The following DIAPH2 variants were observed in gnomAD, a reference collection of about 807,000 sequenced individuals.
DIAPH2 encodes the protein protein diaphanous homolog 2.
A neutral mutation model predicts 92.7 loss-of-function variants in DIAPH2; 35 were observed. The ratio of observed to expected loss-of-function variants is 0.38; its 90% CI spans 0.29 to 0.50. The LOEUF is 0.50. Among genes scored for constraint, DIAPH2 ranks in the 20% least tolerant of loss-of-function variants. The pLI, the probability that DIAPH2 is intolerant of heterozygous loss-of-function variation, is 0.94. For synonymous variants in DIAPH2, 301 were observed against 280.4 expected (o/e 1.07, Z -0.73); for missense variants, 701 against 819.5 (o/e 0.86, Z 1.77).
intron 26 of DIAPH2, among the ~76,000 whole-genome samples, chrX:97,575,701 G>T (rs906968224): frequency 8.9e-6 from 1 of 111,899 alleles, no homozygotes; most frequent in Non-Finnish European, 1.9e-5. Flanking sequence ...ATATTGAGAA[G>T]GTGATTGAAG....
intron 26 of DIAPH2, among the ~76,000 whole-genome samples, chrX:97,522,685 C>T (rs1426835618): frequency 8.9e-6 from 1 of 112,382 alleles, no homozygotes; most frequent in Non-Finnish European, 1.9e-5. Context: ...AAATGGAACC[C>T]TCATTTTTTT....
At chrX:97,229,534 ACT>A (rs892338838) in intron 22 of DIAPH2, among the ~76,000 whole-genome samples, 12 of 110,989 alleles carry the variant, frequency 1.1e-4, no homozygotes, top group East Asian at 5.7e-4. Context: ...GTAAAAGCTA[ACT>A]CTGTGGTTTT....
At chrX:97,141,579 G>A (rs762199450) in intron 21 of DIAPH2, 86 bp from the exon 22 acceptor site, 3 of 963,810 alleles carry the variant, frequency 3.1e-6, no homozygotes, top group South Asian at 5.3e-5. Context: ...CATTTTAAAT[G>A]GGTTATAATA....
intron 23 of DIAPH2, among the ~76,000 whole-genome samples, chrX:97,340,558 T>A (rs1345190551): frequency 2.7e-5 from 3 of 111,536 alleles, no homozygotes; most frequent in African/African-American, 9.8e-5. Context: ...AAAGATACCT[T>A]GTATCTCTAC....
At chrX:97,417,781 C>T (rs1180527929) in intron 25 of DIAPH2, among the ~76,000 whole-genome samples, 2 of 110,860 alleles carry the variant, frequency 1.8e-5, no homozygotes, top group Non-Finnish European at 3.8e-5. Context: ...ACTCCAAGAC[C>T]CTGCCCCTCT....
chrX:97,145,429 A>G (rs1472432023), intron 22 of DIAPH2, among the ~76,000 whole-genome samples: 1 of 109,811 alleles, frequency 9.1e-6, no homozygotes, highest in African/African-American at 3.3e-5. Flanking sequence ...CTCCAGTCTC[A>G]GTAAGTATGT....
At chrX:97,459,577 A>C (rs1413832591) in intron 26 of DIAPH2, among the ~76,000 whole-genome samples, 1 of 112,387 alleles carries the variant, frequency 8.9e-6, no homozygotes, top group Non-Finnish European at 1.9e-5. Flanking sequence ...TACTAATCTC[A>C]TCATGATAAC....
At chrX:97,065,600 T>C (rs939134035) in intron 17 of DIAPH2, among the ~76,000 whole-genome samples, 7 of 111,563 alleles carry the variant, frequency 6.3e-5, no homozygotes, top group African/African-American at 2.3e-4. Flanking sequence ...TACTTGGTAA[T>C]AATAAACAAC....
chrX:96,970,787 G>T, intron 17 of DIAPH2, among the ~76,000 whole-genome samples: 1 of 111,001 alleles, frequency 9.0e-6, no homozygotes, highest in South Asian at 3.8e-4. Context: ...CTTTTGCATT[G>T]ATTTGCTCTT....
At chrX:96,823,417 T>C (rs1399049306) in intron 4 of DIAPH2, among the ~76,000 whole-genome samples, 9 of 111,254 alleles carry the variant, frequency 8.1e-5, no homozygotes, top group Non-Finnish European at 1.7e-4. Flanking sequence ...TATGATATAG[T>C]AAATGATAAA....
intron 14 of DIAPH2, 107 bp downstream of exon 14, chrX:96,945,698 G>A (rs780584759): frequency 5.2e-5 from 27 of 521,231 alleles, no homozygotes; most frequent in Middle Eastern, 1.2e-3. Context: ...CATTTATGTA[G>A]TACTTTATAC....
intron 23 of DIAPH2, among the ~76,000 whole-genome samples, chrX:97,256,158 T>C (rs996977602): frequency 3.6e-5 from 4 of 112,491 alleles, no homozygotes; most frequent in Admixed American, 9.4e-5. Flanking sequence ...TTCTGTGGGA[T>C]TTATTCATAT....
At chrX:97,015,344 A>T (rs190167631) in intron 17 of DIAPH2, among the ~76,000 whole-genome samples, 1 of 111,955 alleles carries the variant, frequency 8.9e-6, no homozygotes, top group South Asian at 3.7e-4. Flanking sequence ...TCTGCCCTCC[A>T]TAAATCTACC....
At chrX:97,525,793 C>G (rs1245800667) in intron 26 of DIAPH2, among the ~76,000 whole-genome samples, 1 of 111,969 alleles carries the variant, frequency 8.9e-6, no homozygotes, top group African/African-American at 3.2e-5. Flanking sequence ...CACATGTAGT[C>G]TCATATTCCA....
chrX:97,278,932 G>T (rs1164284162), intron 23 of DIAPH2, among the ~76,000 whole-genome samples: 1 of 112,331 alleles, frequency 8.9e-6, no homozygotes, highest in African/African-American at 3.2e-5. Flanking sequence ...AGCTTACTGC[G>T]TGCCTTTAAC....
rs1424839747 is a variant in DIAPH2 at position 96,874,315 on chromosome X, T to A, written c.448-7264T>A. Among the ~76,000 whole-genome samples the A allele has an allele frequency of 2.7e-5, 3 of 111,986 alleles. No individual in the cohort carries two copies. In the Admixed American group the frequency reaches 2.9e-4, roughly 11 times the overall value. ...TCTGTCAAATAAAAGAGAAACATAATGTGTATTTGTTTTGCCTCAAATACC... is the reference window on the plus strand; with the variant it reads ...TCTGTCAAATAAAAGAGAAACATAAAGTGTATTTGTTTTGCCTCAAATACC... On this transcript the variant is annotated intron_variant, in intron 4 of 26. Transcript: ENST00000324765.
At chrX:97,057,174 A>G (rs1462403037) in intron 17 of DIAPH2, among the ~76,000 whole-genome samples, 1 of 111,949 alleles carries the variant, frequency 8.9e-6, no homozygotes, top group Non-Finnish European at 1.9e-5. Flanking sequence ...CGTACAGGCA[A>G]TCGCCTTTTA....
intron 26 of DIAPH2, among the ~76,000 whole-genome samples, chrX:97,519,872 C>T (rs1445417422): frequency 9.0e-6 from 1 of 110,565 alleles, no homozygotes; most frequent in Non-Finnish European, 1.9e-5. Context: ...ATTACAGGCG[C>T]GCTGTAATTT....
intron 25 of DIAPH2, among the ~76,000 whole-genome samples, chrX:97,393,711 C>A (rs1186600764): frequency 8.9e-6 from 1 of 111,931 alleles, no homozygotes; most frequent in Non-Finnish European, 1.9e-5. Flanking sequence ...AAATCTCTTT[C>A]TTTTCATGTT....
Sources: gnomAD v4.1 joint callset for allele counts (sites outside exome capture counted in the v4.1 genomes callset) on GRCh38, gnomAD v4.1.1 for gene constraint, MANE v1.5 for transcripts, NCBI Gene and HGNC (gene_info 2026-07-23, HGNC 2026-07-21) for gene names.